The following FRYL variants were observed in gnomAD, a reference collection of about 807,000 sequenced individuals.
FRYL encodes the protein protein furry homolog-like.
FRYL carries 150 observed loss-of-function variants against 351.2 expected under a neutral mutation model. That is an observed-to-expected ratio of 0.43 (90% CI 0.37 to 0.49). The LOEUF (loss-of-function observed/expected upper bound fraction) is 0.49. FRYL is among the 20% of genes least tolerant of loss of function. The probability of loss-of-function intolerance (pLI) is 0.00; values close to 1 mark genes in which losing one functional copy is unlikely to be tolerated. For missense variants in FRYL, 3,036 were observed against 3,619.3 expected, an observed-to-expected ratio of 0.84 and a Z score of 4.13; for synonymous variants, 1,153 against 1,257.1, an observed-to-expected ratio of 0.92 and a Z score of 1.75.
chr4:48,659,393 AAGAAGGAGAAGG>A (rs1350376490), intron 3 of FRYL, among the ~76,000 whole-genome samples: 1 of 17,116 alleles, frequency 5.8e-5, no homozygotes, highest in African/African-American at 1.3e-4. Flanking sequence ...GGAGAAGGAG[AAGAAGGAGAAGG>A]AGAAGGAGAA....
intron 35 of FRYL, among the ~76,000 whole-genome samples, chr4:48,554,507 T>C (rs1209943539): frequency 6.6e-6 from 1 of 152,018 alleles, no homozygotes; most frequent in Non-Finnish European, 1.5e-5. Flanking sequence ...CCCAGATAAT[T>C]TTCGTAGTTT....
At chr4:48,745,141 A>G (rs756998772) in intron 1 of FRYL, among the ~76,000 whole-genome samples, 2 of 152,166 alleles carry the variant, frequency 1.3e-5, no homozygotes, top group Non-Finnish European at 1.5e-5. Flanking sequence ...AGATATATAC[A>G]GTGGCTGTTG....
intron 22 of FRYL, 100 bp downstream of exon 22, chr4:48,580,765 G>T: frequency 1.4e-6 from 1 of 711,128 alleles, no homozygotes; most frequent in Non-Finnish European, 2.4e-6. Context: ...CATTACATTT[G>T]TTAAGGAAGT....
At chr4:48,612,304 G>A (rs940374342) in intron 7 of FRYL, among the ~76,000 whole-genome samples, 5 of 151,770 alleles carry the variant, frequency 3.3e-5, no homozygotes, top group Non-Finnish European at 7.4e-5. Context: ...ATGTGCATTC[G>A]TAATAAACCT....
intron 1 of FRYL, among the ~76,000 whole-genome samples, chr4:48,731,638 C>T (rs1029238235): frequency 1.6e-4 from 25 of 152,250 alleles, no homozygotes; most frequent in Middle Eastern, 3.4e-3. Context: ...CACACATCTA[C>T]CACCATCTGA....
At chr4:48,772,160 T>C (rs1446904949) in intron 1 of FRYL, among the ~76,000 whole-genome samples, 1 of 152,248 alleles carries the variant, frequency 6.6e-6, no homozygotes, top group Non-Finnish European at 1.5e-5. Context: ...TCTTTTAAGG[T>C]GGAAGGATGC....
At chr4:48,598,457 G>GCAA (rs924362081) in intron 13 of FRYL, among the ~76,000 whole-genome samples, 4 of 151,928 alleles carry the variant, frequency 2.6e-5, no homozygotes, top group Non-Finnish European at 4.4e-5. Flanking sequence ...AAAAATAACA[G>GCAA]CAACAACAAC....
chr4:48,779,363 G>A (rs1560391185), intron 1 of FRYL, among the ~76,000 whole-genome samples: 1 of 152,328 alleles, frequency 6.6e-6, no homozygotes, highest in Admixed American at 6.5e-5. Context: ...GCTGGCTCCG[G>A]CTCCGGAAGA....
chr4:48,518,013 A>C (rs1451531924), intron 55 of FRYL, among the ~76,000 whole-genome samples: 2 of 152,246 alleles, frequency 1.3e-5, no homozygotes, highest in Non-Finnish European at 2.9e-5. Context: ...AGAGAAAAAC[A>C]AATTAGGCCA....
chr4:48,779,771 G>T (rs1776463035), intron 1 of FRYL, among the ~76,000 whole-genome samples: 1 of 151,918 alleles, frequency 6.6e-6, no homozygotes, highest in African/African-American at 2.4e-5. Flanking sequence ...GAGGGGAAGG[G>T]GACGTGCGGG....
intron 2 of FRYL, among the ~76,000 whole-genome samples, chr4:48,697,105 T>A (rs1766269101): frequency 6.6e-6 from 1 of 152,150 alleles, no homozygotes; most frequent in Non-Finnish European, 1.5e-5. Context: ...CTTGGAATTT[T>A]AAACCACAAT....
At chr4:48,726,215 C>T (rs879866656) in intron 1 of FRYL, among the ~76,000 whole-genome samples, 2 of 152,146 alleles carry the variant, frequency 1.3e-5, no homozygotes, top group Admixed American at 1.3e-4. Context: ...CAAGAAAACA[C>T]GAAGCAAGTA....
chr4:48,559,558 TGTGGTGC>T (rs1734940914), intron 33 of FRYL, among the ~76,000 whole-genome samples: 1 of 67,806 alleles, frequency 1.5e-5, no homozygotes, highest in Non-Finnish European at 2.7e-5. Flanking sequence ...AAAAGCCAGG[TGTGGTGC>T]CGCACACCTG....
chr4:48,610,142 C>A (rs1747750890), intron 7 of FRYL, among the ~76,000 whole-genome samples: 1 of 152,130 alleles, frequency 6.6e-6, no homozygotes. Context: ...GTACACCTCC[C>A]TGTAACACTT....
chr4:48,523,144 T>G, intron 53 of FRYL, 40 bp from the exon 54 acceptor site: 1 of 1,334,632 alleles, frequency 7.5e-7, no homozygotes, highest in South Asian at 1.2e-5. Flanking sequence ...CTCAAATACA[T>G]GCTTCTAAAT....
intron 33 of FRYL, among the ~76,000 whole-genome samples, 160 bp from the exon 34 acceptor site, chr4:48,557,872 G>A (rs1470933029): frequency 2.0e-5 from 3 of 151,908 alleles, no homozygotes; most frequent in Admixed American, 6.6e-5. Flanking sequence ...TCACCTCAAC[G>A]ACATCATAAA....
At chr4:48,612,009 C>G (rs1272438114) in intron 7 of FRYL, among the ~76,000 whole-genome samples, 1 of 152,100 alleles carries the variant, frequency 6.6e-6, no homozygotes, top group Non-Finnish European at 1.5e-5. Flanking sequence ...TATTGGCATG[C>G]AGATTATTTT....
At chr4:48,675,609 T>C (rs975234782) in intron 3 of FRYL, among the ~76,000 whole-genome samples, 3 of 152,210 alleles carry the variant, frequency 2.0e-5, no homozygotes, top group Admixed American at 6.5e-5. Flanking sequence ...CAGCCTGCCA[T>C]GCCTGAGCCT....
At chr4:48,737,474 T>C (rs1771579772) in intron 1 of FRYL, among the ~76,000 whole-genome samples, 1 of 152,114 alleles carries the variant, frequency 6.6e-6, no homozygotes, top group Non-Finnish European at 1.5e-5. Context: ...ATTAAAGAAA[T>C]TGAATCAATA....
Sources: allele counts gnomAD v4.1 joint callset (sites outside exome capture counted in the v4.1 genomes callset), GRCh38; gene constraint gnomAD v4.1.1; transcripts MANE v1.5; gene names NCBI Gene and HGNC (gene_info 2026-07-23, HGNC 2026-07-21).